Variants in ZAN observed in about 807,000 individuals in gnomAD.
The protein encoded by ZAN is zonadhesin, also known as zonadhesin (gene/pseudogene).
ZAN carries 260 observed loss-of-function variants against 286.2 expected under a neutral mutation model. That is an observed-to-expected ratio of 0.91 (90% confidence interval 0.82 to 1.01). The LOEUF is 1.01. Among genes scored for constraint, ZAN ranks in the 50% least tolerant of loss-of-function variants. The probability of loss-of-function intolerance (pLI) is 0.00; values close to 1 mark genes in which losing one functional copy is unlikely to be tolerated. For missense variants in ZAN, 3,410 were observed against 3,639.2 expected (o/e 0.94, Z 1.62); for synonymous variants, 1,368 against 1,417.5 (o/e 0.97, Z 0.79).
rs1477366446 is a variant in ZAN, at chr7:100,792,129, G to C, written c.7693G>C (p.Ala2565Pro). 6.2e-7 allele frequency: 1 copy of C among 1,609,538 alleles called. No individual in the cohort carries two copies. The change falls in exon 41 of 48, where the codon GCC becomes CCC. Residue 2565 changes from alanine (A) to proline (P), a missense_variant. By Grantham distance (27) the Ala-to-Pro change is conservative. Coordinates refer to ENST00000613979, the MANE Select transcript of ZAN (RefSeq NM_003386.3). ...GPFAACHQTV[A>P]PEPFQEHCVL... ...CTTTGCTGCCTGTCACCAGACGGTG[G>C]CCCCAGAGCCCTTCCAAGAGTGAGT...
At chr7:100,735,260 T>G (rs1807216015) in intron 2 of ZAN, among the ~76,000 whole-genome samples, 1 of 134,654 alleles carries the variant, frequency 7.4e-6, no homozygotes, top group Admixed American at 7.4e-5. Context: ...CAAGTAGAAC[T>G]TCAACAACAA....
At chr7:100,759,079 G>A (rs1231955859) in intron 17 of ZAN, among the ~76,000 whole-genome samples, 3 of 152,036 alleles carry the variant, frequency 2.0e-5, no homozygotes, top group Non-Finnish European at 4.4e-5. Context: ...TAAAAAATTA[G>A]CCAGGCTTGG....
chr7:100,734,286 A>G, intron 2 of ZAN, 65 bp downstream of exon 2: 1 of 1,167,812 alleles, frequency 8.6e-7, no homozygotes, highest in Non-Finnish European at 1.2e-6. Context: ...AGGAATATGG[A>G]AGGACAGAGC....
intron 31 of ZAN, 131 bp downstream of exon 31, chr7:100,773,996 T>C: frequency 7.5e-7 from 1 of 1,338,594 alleles, no homozygotes; most frequent in Non-Finnish European, 1.0e-6. Flanking sequence ...AACCAAGAGC[T>C]TCTGGTGGGT....
Position 100,734,094 on chromosome 7 carries a change from G to T in ZAN, c.-75G>T, listed in dbSNP as rs994986664. Reference sequence around the variant, plus strand: ...GAAGGATGCCAAGCTAAGGAGGCCAGGGGGGAATAAAAGGAGTCCAGGCTC... The same window carrying T: ...GAAGGATGCCAAGCTAAGGAGGCCATGGGGGAATAAAAGGAGTCCAGGCTC... On this transcript the variant is annotated 5_prime_UTR_variant, in exon 2 of 48. The change creates a new upstream start codon in the 5' untranslated region. Coordinates refer to ENST00000613979, the MANE Select transcript of ZAN (RefSeq NM_003386.3). 2.0e-6 allele frequency: 2 copies of T among 980,622 alleles called. 1 individual carries two copies. The highest frequency in any genetic ancestry group is 4.4e-5 in the Admixed American group (2 of 45,974). 60.7% of individuals were successfully genotyped at this position (980,622 alleles called of 1,614,324 possible). A position where few individuals can be genotyped will look rare whatever the true frequency, so the allele number is the denominator to read the frequency against.
Position 100,794,144 on chromosome 7 carries a change from G to A in ZAN, c.8011G>A (p.Asp2671Asn), listed in dbSNP as rs749840761. ...YQLGSSFLTEDCSQRCTCASS... is the reference protein window; with the variant it reads ...YQLGSSFLTENCSQRCTCASS... The stretch of plus-strand genomic sequence containing the variant: ...GCTGGGCAGCAGCTTTCTGACTGAG[G>A]ACTGCTCTCAGCGGTGCACCTGTGC... Residue 2671 changes from aspartate (D) to asparagine (N), a missense_variant, in exon 44 of 48, where the codon GAC becomes AAC. By Grantham distance (23) the Asp-to-Asn change is conservative (BLOSUM62 1). Transcript: ENST00000613979. 6.2e-7 allele frequency: 1 copy of A among 1,614,022 alleles called. No individual in the cohort carries two copies.
chr7:100,738,882 TCCCTCTCCCTCTCCCTCTCCCTCTCCC>T (rs1562911385), intron 7 of ZAN, among the ~76,000 whole-genome samples: 169 of 3,832 alleles, frequency 0.044, 34 homozygotes, highest in South Asian at 0.21. Flanking sequence ...CTTCTCCCTC[TCCCTCTCCCTCTCCCTCTCCCTCTCCC>T]TCTCCCTCTC....
rs747012764 is a variant in ZAN at position 100,752,564 on chromosome 7, A to G, written c.2459A>G (p.Glu820Gly). ...ACAGAAAAACCCAGCATCCCCATGG[A>G]AAAACCCACTCTCCCCACTGAAGAA... is the stretch of plus-strand genomic sequence containing the variant. ...ISTEKPSIPM[E>G]KPTLPTEETT... The change falls in exon 14 of 48, where the codon GAA becomes GGA. Residue 820 changes from glutamate (E) to glycine (G), a missense_variant. Physicochemically the swap from Glu to Gly is moderately conservative, Grantham distance 98. Coordinates refer to ENST00000613979, the MANE Select transcript of ZAN (RefSeq NM_003386.3). 6.2e-7 allele frequency: 1 copy of G among 1,613,220 alleles called. No homozygotes were observed. The highest frequency in any genetic ancestry group is 1.1e-5 in the South Asian group (1 of 91,028).
At chr7:100,746,320 G>A (rs906613144) in intron 7 of ZAN, among the ~76,000 whole-genome samples, 6 of 152,152 alleles carry the variant, frequency 3.9e-5, no homozygotes, top group Admixed American at 2.0e-4. Flanking sequence ...GGTGTCCGCC[G>A]CTTCCCATGG....
chr7:100,752,171 C>G lies in ZAN; in HGVS notation c.2066C>G (p.Pro689Arg). The change falls in exon 14 of 48, where the codon CCC becomes CGC. Residue 689 changes from proline (P) to arginine (R), a missense_variant. Physicochemically the swap from Pro to Arg is moderately radical, Grantham distance 103. This residue lies in a region of ZAN where 872 missense variants were observed against 938.9 expected (regional missense o/e 0.93). Coordinates refer to ENST00000613979, the MANE Select transcript of ZAN (RefSeq NM_003386.3). Reference sequence around the variant, plus strand: ...AAACCCAGCATCCCTACAGAAAAACCCAGCATCCCCACGGAAAAACCCACC... The same window carrying G: ...AAACCCAGCATCCCTACAGAAAAACGCAGCATCCCCACGGAAAAACCCACC... ...TEKPSIPTEKPSIPTEKPTIS... is the reference protein window; with the variant it reads ...TEKPSIPTEKRSIPTEKPTIS... The G allele has an allele frequency of 6.2e-7, 1 of 1,612,446 alleles. No homozygotes were observed. The highest frequency in any genetic ancestry group is 1.7e-5 in the Admixed American group (1 of 59,806).
intron 7 of ZAN, among the ~76,000 whole-genome samples, chr7:100,739,512 G>A (rs1454025708): frequency 7.3e-6 from 1 of 136,332 alleles, no homozygotes; most frequent in African/African-American, 2.6e-5. Context: ...CAAGTTTGGA[G>A]CCAAGTGCAC....
chr7:100,737,297 C>A lies in ZAN; in HGVS notation c.561C>A (p.Tyr187Ter), dbSNP rs778724541. 5 of 1,490,752 alleles carry A rather than the reference C, an allele frequency of 3.4e-6. No homozygotes were observed. Among genetic ancestry groups the A allele is most frequent in the Non-Finnish European group, 4.6e-6 (5 of 1,089,904 alleles). The allele number at this position is 1,490,752 out of a possible 1,614,324, so 92.3% of individuals were successfully genotyped here. Residue 187 changes from tyrosine (Y) to a stop codon, truncating the protein, a stop_gained, in exon 6 of 48, where the codon TAC (tyrosine) becomes TAA (stop). Transcript: ENST00000613979. LOFTEE classifies it high-confidence loss of function. ...AGGGAACACGGGGTAGCACTGCCTA[C>A]CTGGACATCGCCCTGGATGCCCTCT... Reference protein sequence around the residue: ...MFEGTRGSTAYLDIALDALSI... With the variant: ...MFEGTRGSTA
In ZAN at chr7:100,752,038, G is replaced by A. The variant is rs1213825226; in HGVS notation, c.1933G>A (p.Glu645Lys). The change falls in exon 14 of 48, where the codon GAA (glutamate) becomes AAA (lysine). Residue 645 changes from glutamate (E) to lysine (K), a missense_variant. This residue lies in a region of ZAN where 872 missense variants were observed against 938.9 expected (regional missense o/e 0.93). Transcript: ENST00000613979. ...CTCAGAAAAACCCACCATTCCCTCA[G>A]AAAAACCCACCATTTCCACAGAAAA... is the stretch of plus-strand genomic sequence containing the variant. ...IPSEKPTIPS[E>K]KPTISTEKPT... is the part of the protein sequence containing the mutation. The A allele has an allele frequency of 6.2e-7, 1 of 1,612,790 alleles. No individual in the cohort carries two copies. Among genetic ancestry groups the A allele is most frequent in the Non-Finnish European group, 8.5e-7 (1 of 1,179,678 alleles).
In ZAN at chr7:100,795,203, G is replaced by A. The variant is rs748338321; in HGVS notation, c.8133G>A (p.Pro2711=). The change falls in exon 45 of 48, where the codon CCG becomes CCA. Residue 2711 remains proline (P), a synonymous_variant. Transcript: ENST00000613979. ...NHTQGCFPES[P]CLQNPCQNDG... is the part of the protein sequence containing the mutation. ...CCCTCTCTGTCCTTGCAGAAAGCCCGTGTCTGCAGAACCCCTGTCAGAATG... is the reference window on the plus strand; with the variant it reads ...CCCTCTCTGTCCTTGCAGAAAGCCCATGTCTGCAGAACCCCTGTCAGAATG... 1.6e-5 allele frequency: 25 copies of A among 1,607,794 alleles called. No individual in the cohort carries two copies. Among genetic ancestry groups the A allele is most frequent in the Middle Eastern group, 1.7e-4 (1 of 5,948 alleles).
chr7:100,751,283 G>C lies in ZAN; in HGVS notation c.1606+17G>C, dbSNP rs371614551. The stretch of plus-strand genomic sequence containing the variant: ...CTTGTCCAGGTAAGACCAAAGCCCA[G>C]GCTCCAGGAAGGGGGCGGTGCCCTG... On this transcript the variant is annotated intron_variant, in intron 13 of 47. Coordinates refer to ENST00000613979, the MANE Select transcript of ZAN (RefSeq NM_003386.3). 1.3e-6 allele frequency: 2 copies of C among 1,545,282 alleles called. No homozygotes were observed. Among genetic ancestry groups the C allele is most frequent in the Non-Finnish European group, 1.7e-6 (2 of 1,145,196 alleles).
chr7:100,744,225 C>T lies in ZAN; in HGVS notation c.767-2313C>T, dbSNP rs996418351. Among the ~76,000 whole-genome samples the T allele has an allele frequency of 7.3e-5, 11 of 150,324 alleles. 1 individual carries two copies. Among genetic ancestry groups the T allele is most frequent in the Admixed American group, 6.0e-4 (9 of 14,900 alleles). ...TCTTTTCTGTTTTTCCCCATCTTTT[C>T]CTCTCTCCACTCCATCAGTGTCCAC... On this transcript the variant is annotated intron_variant, in intron 7 of 47. Coordinates refer to ENST00000613979, the MANE Select transcript of ZAN (RefSeq NM_003386.3).
At chr7:100,743,198 T>A (rs1370900110) in intron 7 of ZAN, among the ~76,000 whole-genome samples, 2 of 151,900 alleles carry the variant, frequency 1.3e-5, no homozygotes, top group African/African-American at 4.8e-5. Context: ...TAATTTTTTG[T>A]ATTTTTAGTA....
At position 100,775,824 on chromosome 7, in the gene ZAN, C is replaced by T. The variant is rs201471907; in HGVS notation, c.6183C>T (p.Tyr2061=). The change falls in exon 33 of 48, where the codon TAC becomes TAT. Residue 2061 remains tyrosine, a synonymous_variant. Coordinates refer to ENST00000613979, the MANE Select transcript of ZAN (RefSeq NM_003386.3). The part of the protein sequence containing the change: ...HLLEIEIPTT[Y]YGKVCGMCGN... ...TAGAGATTGAAATCCCCACAACCTACTATGGAAAGGTGAGGAAAACATCTG... is the reference window on the plus strand; with the variant it reads ...TAGAGATTGAAATCCCCACAACCTATTATGGAAAGGTGAGGAAAACATCTG... 1,119 of 1,613,676 alleles carry T rather than the reference C, an allele frequency of 6.9e-4. 4 individuals carry two copies. In the South Asian group the frequency reaches 7.5e-3, roughly 11 times the overall value.
Position 100,753,089 on chromosome 7 carries a change from A to G in ZAN, c.2984A>G (p.Glu995Gly). 6.2e-7 allele frequency: 1 copy of G among 1,613,968 alleles called. No individual in the cohort carries two copies. Among genetic ancestry groups the G allele is most frequent in the Non-Finnish European group, 8.5e-7 (1 of 1,179,876 alleles). Reference sequence around the variant, plus strand: ...ACAGAAAAACCCACCATTCCCACAGAGAAGCTCACAGCCCTGAGGCCACCC... The same window carrying G: ...ACAGAAAAACCCACCATTCCCACAGGGAAGCTCACAGCCCTGAGGCCACCC... ...IPTEKPTIPTEKLTALRPPHP... is the reference protein window; with the variant it reads ...IPTEKPTIPTGKLTALRPPHP... The change falls in exon 14 of 48, where the codon GAG (glutamate) becomes GGG (glycine). Residue 995 changes from glutamate (E) to glycine (G), a missense_variant. Glu to Gly is a moderately conservative substitution (Grantham distance 98). Transcript: ENST00000613979.
Sources: gnomAD v4.1 joint callset for allele counts (sites outside exome capture counted in the v4.1 genomes callset) on GRCh38, gnomAD v4.1.1 for gene constraint, gnomAD v4.1.1 regional missense constraint, MANE v1.5 for transcripts, NCBI Gene and HGNC (gene_info 2026-07-23, HGNC 2026-07-21) for gene names.